Variants in TXNDC15 observed in about 807,000 individuals in gnomAD.
TXNDC15 encodes the protein thioredoxin domain containing 15, also known as thioredoxin domain-containing protein 15.
In TXNDC15, 24 loss-of-function variants were observed where a neutral mutation model predicts 35.0. The ratio of observed to expected loss-of-function variants is 0.68; its 90% CI spans 0.50 to 0.96. The LOEUF is 0.96. Ranked by LOEUF, TXNDC15 falls within the 40% of genes least tolerant of loss-of-function variation. TXNDC15 has a pLI of 0.00. For missense variants in TXNDC15, 385 were observed against 453.3 expected, an observed-to-expected ratio of 0.85 and a Z score of 1.37; for synonymous variants, 169 against 174.0, an observed-to-expected ratio of 0.97 and a Z score of 0.23.
At chr5:134,880,742 C>T (rs771568501) in intron 1 of TXNDC15, among the ~76,000 whole-genome samples, 16 of 151,916 alleles carry the variant, frequency 1.1e-4, no homozygotes, top group Admixed American at 6.6e-4. Context: ...CATGCCCAGC[C>T]AAAATCATTT....
chr5:134,880,843 GTT>G (rs1750127624), intron 1 of TXNDC15, among the ~76,000 whole-genome samples: 2 of 152,032 alleles, frequency 1.3e-5, no homozygotes, highest in South Asian at 4.1e-4. Flanking sequence ...TCTACATGAT[GTT>G]TTGTTTTTTT....
rs150431563 is a variant in TXNDC15, at chr5:134,887,856, G to A, written c.265G>A (p.Asp89Asn). The A allele has an allele frequency of 3.6e-5, 58 of 1,614,218 alleles. No homozygotes were observed. In the African/African-American group the frequency reaches 4.5e-4, roughly 13 times the overall value. Residue 89 changes from aspartate to asparagine, a missense_variant, in exon 2 of 5, where the codon GAT (aspartate) becomes AAT (asparagine). Transcript: ENST00000358387. ...NAVLGLDTQG[D>N]HMVMLSVIPG... is the part of the protein sequence containing the mutation. Reference sequence around the variant, plus strand: ...GGTGCTGGGGCTGGACACCCAAGGCGATCACATGGTGATGCTGTCTGTGAT... The same window carrying A: ...GGTGCTGGGGCTGGACACCCAAGGCAATCACATGGTGATGCTGTCTGTGAT...
At chr5:134,896,593 C>G (rs1009712799) in intron 4 of TXNDC15, among the ~76,000 whole-genome samples, 169 bp downstream of exon 4, 2 of 151,716 alleles carry the variant, frequency 1.3e-5, no homozygotes, top group East Asian at 1.9e-4. Flanking sequence ...ACTTCCCAAT[C>G]AGTATGAAGT....
In TXNDC15 at chr5:134,874,371, C is replaced by A; in HGVS notation, c.-57C>A. ...CCCAGGCTCTCCTCCCCCAGCCTTC[C>A]TCCGGCTGGCAGCACGACTCGCGTA... On this transcript the variant is annotated 5_prime_UTR_variant, in exon 1 of 5. Coordinates refer to ENST00000358387, the MANE Select transcript of TXNDC15 (RefSeq NM_024715.4). The A allele has an allele frequency of 6.8e-7, 1 of 1,472,480 alleles. No individual in the cohort carries two copies. The highest frequency in any genetic ancestry group is 2.6e-5 in the East Asian group (1 of 38,410). The allele number at this position is 1,472,480 out of a possible 1,614,324, so 91.2% of individuals were successfully genotyped here. A position where few individuals can be genotyped will look rare whatever the true frequency, so the allele number is the denominator to read the frequency against.
chr5:134,899,397 C>A, intron 4 of TXNDC15, 92 bp from the exon 5 acceptor site: 1 of 1,032,338 alleles, frequency 9.7e-7, no homozygotes, highest in Non-Finnish European at 1.5e-6. Flanking sequence ...TTTAGGACTG[C>A]ATGTCATTTT....
intron 1 of TXNDC15, among the ~76,000 whole-genome samples, chr5:134,884,344 G>A (rs1341902648): frequency 6.7e-6 from 1 of 149,954 alleles, no homozygotes; most frequent in Non-Finnish European, 1.5e-5. Context: ...TGCCTCCTAA[G>A]TTCAAGCGAT....
At chr5:134,881,807 G>A (rs1193658031) in intron 1 of TXNDC15, among the ~76,000 whole-genome samples, 12 of 145,996 alleles carry the variant, frequency 8.2e-5, no homozygotes, top group African/African-American at 2.0e-4. Context: ...GCGGCTGGCC[G>A]GGCGGGGGGC....
chr5:134,879,579 A>T (rs1448606139), intron 1 of TXNDC15, among the ~76,000 whole-genome samples: 1 of 152,174 alleles, frequency 6.6e-6, no homozygotes, highest in Non-Finnish European at 1.5e-5. Context: ...CACACTCATT[A>T]ACCAAAGGCT....
At chr5:134,874,350 G>A (rs1322917248), upstream of TXNDC15, 3 of 1,294,394 alleles carry the variant, frequency 2.3e-6, no homozygotes, top group South Asian at 1.5e-5. Flanking sequence ...CGCGCTCCCA[G>A]GCTCTCCTCC....
intron 1 of TXNDC15, among the ~76,000 whole-genome samples, chr5:134,881,417 T>A (rs1750141944): frequency 2.1e-5 from 2 of 93,062 alleles, no homozygotes; most frequent in African/African-American, 4.3e-5. Flanking sequence ...TTCAAGCGTC[T>A]GTTTAACAAA....
At chr5:134,876,379 A>G (rs1750034390) in intron 1 of TXNDC15, among the ~76,000 whole-genome samples, 2 of 152,312 alleles carry the variant, frequency 1.3e-5, no homozygotes, top group South Asian at 4.1e-4. Context: ...GAAAGCATTG[A>G]ATTCTAGAAA....
Position 134,899,688 on chromosome 5 carries a change from A to G in TXNDC15, c.*3A>G. ...AAGAGCAGGAACATGTGGAGTAGTG[A>G]TGGTCTGAAAGAAGTTGGAAAGAGG... On this transcript the variant is annotated 3_prime_UTR_variant, in exon 5 of 5. Transcript: ENST00000358387. The G allele has an allele frequency of 1.9e-6, 3 of 1,579,018 alleles. No individual in the cohort carries two copies. The highest frequency in any genetic ancestry group is 2.6e-6 in the Non-Finnish European group (3 of 1,165,020).
At chr5:134,878,693 C>T (rs1005387783) in intron 1 of TXNDC15, among the ~76,000 whole-genome samples, 1 of 152,232 alleles carries the variant, frequency 6.6e-6, no homozygotes, top group Non-Finnish European at 1.5e-5. Flanking sequence ...GCTCAAACTG[C>T]AGTCTCTTAA....
At chr5:134,892,941 C>CA (rs998952904) in intron 2 of TXNDC15, 1 of 153,234 alleles carries the variant, frequency 6.5e-6, no homozygotes, top group African/African-American at 2.4e-5. Context: ...ACAATAGTAA[C>CA]ATCAAAGATA....
At chr5:134,874,133 A>C, upstream of TXNDC15, 8 of 299,278 alleles carry the variant, frequency 2.7e-5, no homozygotes, top group Non-Finnish European at 3.7e-5. Flanking sequence ...TTCCGAGGGA[A>C]GAAAGGAGGC....
intron 1 of TXNDC15, chr5:134,875,372 G>T (rs757376081): frequency 8.8e-6 from 4 of 456,284 alleles, no homozygotes; most frequent in South Asian, 6.2e-5. Flanking sequence ...ATGGAGGCAG[G>T]ACAGCAGAGA....
At chr5:134,876,475 C>G (rs1195601441) in intron 1 of TXNDC15, among the ~76,000 whole-genome samples, 1 of 152,180 alleles carries the variant, frequency 6.6e-6, no homozygotes, top group Non-Finnish European at 1.5e-5. Context: ...TGGTAACTGG[C>G]TCCTCCTCTA....
chr5:134,893,285 G>A, intron 2 of TXNDC15: 1 of 530,446 alleles, frequency 1.9e-6, no homozygotes, highest in South Asian at 3.1e-5. Flanking sequence ...AAAAGTGAAA[G>A]TTTATAACTT....
chr5:134,878,535 G>C (rs1750083497), intron 1 of TXNDC15, among the ~76,000 whole-genome samples: 1 of 152,202 alleles, frequency 6.6e-6, no homozygotes, highest in African/African-American at 2.4e-5. Flanking sequence ...CCTGCAGCTG[G>C]TAAAGAGCCT....
Sources: gnomAD v4.1 joint callset for allele counts (sites outside exome capture counted in the v4.1 genomes callset) on GRCh38, gnomAD v4.1.1 for gene constraint, MANE v1.5 for transcripts, NCBI Gene and HGNC (gene_info 2026-07-23, HGNC 2026-07-21) for gene names.